Variants in CACNA1C observed in about 807,000 individuals in gnomAD.
CACNA1C encodes the protein calcium voltage-gated channel subunit alpha1 C.
A neutral mutation model predicts 229.0 loss-of-function variants in CACNA1C; 30 were observed. The ratio of observed to expected loss-of-function variants is 0.13; its 90% CI spans 0.10 to 0.18. The LOEUF (loss-of-function observed/expected upper bound fraction) is 0.18. CACNA1C is among the 10% of genes least tolerant of loss of function. The probability of loss-of-function intolerance (pLI) is 1.00; values close to 1 mark genes in which losing one functional copy is unlikely to be tolerated. For synonymous variants in CACNA1C, 1,114 were observed against 1,132.5 expected, an observed-to-expected ratio of 0.98 and a Z score of 0.33; for missense variants, 1,658 against 2,845.0, an observed-to-expected ratio of 0.58 and a Z score of 9.49.
rs1289754591 is a variant in CACNA1C, at chr12:2,677,488, CA to C, written c.4957-244del. On this transcript the variant is annotated intron_variant, in intron 40 of 46. Coordinates refer to ENST00000399655, the MANE Select transcript of CACNA1C (RefSeq NM_000719.7). This position sits in a 1 kb window ranked among gnomAD's most constrained non-coding sequence, Gnocchi z 7.4. ...AAATACTTCACTGAGGCTCCCGTGA[CA>C]GCCCCTGACCCCTGGTGCCCCGTCC... 4.9e-6 allele frequency: 3 copies of C among 612,336 alleles called. No individual in the cohort carries two copies. Among genetic ancestry groups the C allele is most frequent in the Non-Finnish European group, 8.5e-6 (3 of 351,458 alleles). The allele number at this position is 612,336 out of a possible 1,614,324, so 37.9% of individuals were successfully genotyped here.
At chr12:2,264,565 C>G (rs1233299991) in intron 3 of CACNA1C, among the ~76,000 whole-genome samples, 3 of 152,208 alleles carry the variant, frequency 2.0e-5, no homozygotes, top group Non-Finnish European at 4.4e-5. Context: ...TTCCTAAATG[C>G]TGTGGCTCAG....
chr12:2,543,559 A>C (rs917205493), intron 9 of CACNA1C, among the ~76,000 whole-genome samples: 31 of 152,376 alleles, frequency 2.0e-4, no homozygotes, highest in African/African-American at 7.5e-4. Flanking sequence ...TGATTCCTGC[A>C]GGTGCTTATG....
rs367611874 is a variant in CACNA1C, at chr12:2,476,595, A to G, written c.758-9509A>G. Among the ~76,000 whole-genome samples the G allele has an allele frequency of 1.1e-4, 16 of 152,366 alleles. No individual in the cohort carries two copies. In the East Asian group the frequency reaches 2.9e-3, roughly 28 times the overall value. ...CTTTCACCATATGCAGTTTTCTTCT[A>G]ACACAGGGTTTCTTTTATATCTTTT... On this transcript the variant is annotated intron_variant, in intron 5 of 46. Transcript: ENST00000399655.
At chr12:2,265,761 G>A (rs1258745526) in intron 3 of CACNA1C, among the ~76,000 whole-genome samples, 1 of 152,210 alleles carries the variant, frequency 6.6e-6, no homozygotes, top group Non-Finnish European at 1.5e-5. Context: ...CTTCCTTTCT[G>A]TCAGCCTGAG....
intron 18 of CACNA1C, among the ~76,000 whole-genome samples, chr12:2,591,513 T>C (rs1471294295): frequency 6.6e-6 from 1 of 152,074 alleles, no homozygotes; most frequent in Admixed American, 6.5e-5. Context: ...GAGGCAGAGG[T>C]TCTGCTGGGA....
intron 3 of CACNA1C, among the ~76,000 whole-genome samples, chr12:2,148,963 T>C (rs2094976540): frequency 6.6e-6 from 1 of 152,232 alleles, no homozygotes; most frequent in South Asian, 2.1e-4. Context: ...AGTTTATTTT[T>C]TTGACTTTTC....
intron 3 of CACNA1C, among the ~76,000 whole-genome samples, chr12:2,149,390 T>C (rs2095025483): frequency 6.6e-6 from 1 of 152,186 alleles, no homozygotes; most frequent in Non-Finnish European, 1.5e-5. Context: ...TTCTGGACTC[T>C]CTTAAAAAGC....
At chr12:2,538,560 T>C (rs1364673896) in intron 9 of CACNA1C, among the ~76,000 whole-genome samples, 1 of 152,142 alleles carries the variant, frequency 6.6e-6, no homozygotes, top group African/African-American at 2.4e-5. Context: ...CACCCTCCGG[T>C]TCAATTTATC....
At chr12:2,309,139 A>C (rs1195850648) in intron 3 of CACNA1C, among the ~76,000 whole-genome samples, 1 of 152,220 alleles carries the variant, frequency 6.6e-6, no homozygotes, top group Non-Finnish European at 1.5e-5. Context: ...TTCTATATAT[A>C]ATGGAATATT....
chr12:2,102,078 T>A (rs1276275150), intron 1 of CACNA1C, among the ~76,000 whole-genome samples: 1 of 152,176 alleles, frequency 6.6e-6, no homozygotes, highest in Admixed American at 6.5e-5. Context: ...AAACAAAGGC[T>A]CATGCTTCCT....
intron 3 of CACNA1C, among the ~76,000 whole-genome samples, chr12:2,307,007 A>G (rs1420192116): frequency 6.6e-6 from 1 of 152,144 alleles, no homozygotes; most frequent in Non-Finnish European, 1.5e-5. Context: ...CCCCCTCACC[A>G]AAACCAGAGC....
intron 9 of CACNA1C, among the ~76,000 whole-genome samples, chr12:2,514,117 G>A (rs940847222): frequency 1.3e-5 from 2 of 152,168 alleles, no homozygotes; most frequent in African/African-American, 4.8e-5. Context: ...GCCATCCAGG[G>A]CATTTGCTGC....
intron 30 of CACNA1C, among the ~76,000 whole-genome samples, chr12:2,643,238 G>A (rs1381538437): frequency 3.3e-5 from 5 of 152,230 alleles, no homozygotes; most frequent in Admixed American, 6.5e-5. Context: ...ACAAAAGCCC[G>A]TGGGTTTCCG....
chr12:2,548,585 T>G (rs2099887408), intron 9 of CACNA1C, among the ~76,000 whole-genome samples: 1 of 152,156 alleles, frequency 6.6e-6, no homozygotes, highest in African/African-American at 2.4e-5. Context: ...ACATCTGGAT[T>G]TTTTTTAATT....
intron 3 of CACNA1C, among the ~76,000 whole-genome samples, chr12:2,271,341 G>A (rs903549259): frequency 2.0e-5 from 3 of 152,218 alleles, no homozygotes; most frequent in African/African-American, 7.2e-5. Flanking sequence ...GAGAAGTGGA[G>A]GCTACCCTGA....
Position 2,639,175 on chromosome 12 carries a change from C to T in CACNA1C, c.3912+4795C>T, listed in dbSNP as rs935029250. Among the ~76,000 whole-genome samples the T allele has an allele frequency of 6.6e-6, 1 of 152,244 alleles. No homozygotes were observed. Among genetic ancestry groups the T allele is most frequent in the African/African-American group, 2.4e-5 (1 of 41,462 alleles). On this transcript the variant is annotated intron_variant, in intron 30 of 46. Transcript: ENST00000399655. The surrounding 1 kb of genome is among the most constrained non-coding windows in gnomAD (Gnocchi z 4.2). ...GGCCCCGGCCCTTCTCCTGCCAATG[C>T]ATCACCTGGGTCTAAATCCGAGCTT...
In CACNA1C at chr12:2,647,523, G is replaced by T. The variant is rs1427239279; in HGVS notation, c.3913-952G>T. 1.3e-5 allele frequency among the ~76,000 whole-genome samples: 2 copies of T among 152,290 alleles called. No homozygotes were observed. Among genetic ancestry groups the T allele is most frequent in the South Asian group, 4.1e-4 (2 of 4,820 alleles). On this transcript the variant is annotated intron_variant, in intron 30 of 46. Transcript: ENST00000399655. The surrounding 1 kb of genome is among the most constrained non-coding windows in gnomAD (Gnocchi z 4.2). ...TCAACAGTCATTATTTCATGCCAAC[G>T]GTCAGGGCTCGCCGCACCTATAGAC...
At position 2,052,992 on chromosome 12, in the gene CACNA1C, C is replaced by A; in HGVS notation, c.-571C>A. On this transcript the variant is annotated 5_prime_UTR_variant, in exon 1 of 47. Coordinates refer to ENST00000399655, the MANE Select transcript of CACNA1C (RefSeq NM_000719.7). ...GGCGCTCTCGCGCGCCCGGTGTCTCCCTCTCGCTGCCTCTGCAGAAACAGC... is the reference window on the plus strand; with the variant it reads ...GGCGCTCTCGCGCGCCCGGTGTCTCACTCTCGCTGCCTCTGCAGAAACAGC... The A allele has an allele frequency of 1.0e-6, 1 of 983,554 alleles. No individual in the cohort carries two copies. Among genetic ancestry groups the A allele is most frequent in the Non-Finnish European group, 1.2e-6 (1 of 829,256 alleles). The allele number at this position is 983,554 out of a possible 1,614,324, so 60.9% of individuals were successfully genotyped here.
chr12:2,318,108 C>T (rs1375615570), intron 3 of CACNA1C, among the ~76,000 whole-genome samples: 1 of 151,796 alleles, frequency 6.6e-6, no homozygotes, highest in Admixed American at 6.6e-5. Context: ...TCTGACCGGC[C>T]CAGGGTTTGG....
Sources: gnomAD v4.1 joint callset for allele counts (sites outside exome capture counted in the v4.1 genomes callset) on GRCh38, gnomAD v4.1.1 for gene constraint, Gnocchi (gnomAD v3.1) non-coding constraint, MANE v1.5 for transcripts, NCBI Gene and HGNC (gene_info 2026-07-23, HGNC 2026-07-21) for gene names.